Variants in PDE10A observed in about 807,000 individuals in gnomAD.
The protein encoded by PDE10A is phosphodiesterase 10A.
Under a neutral mutation model 97.7 loss-of-function variants are expected in PDE10A, and 39 were observed. The observed-to-expected ratio is 0.40, with a 90% CI of 0.31 to 0.52. The LOEUF (loss-of-function observed/expected upper bound fraction) is 0.52. Ranked by LOEUF, PDE10A falls within the 20% of genes least tolerant of loss-of-function variation. The pLI, the probability that PDE10A is intolerant of heterozygous loss-of-function variation, is 0.56. For missense variants in PDE10A, 731 were observed against 1,047.8 expected (o/e 0.70, Z 4.17); for synonymous variants, 371 against 376.8 (o/e 0.98, Z 0.18).
intron 1 of PDE10A, among the ~76,000 whole-genome samples, chr6:165,621,778 A>G (rs1473375918): frequency 4.2e-5 from 6 of 144,422 alleles, no homozygotes; most frequent in Non-Finnish European, 9.3e-5. Flanking sequence ...AAAAAAGAAG[A>G]AGAAGAAGAA....
intron 11 of PDE10A, 67 bp from the exon 12 acceptor site, chr6:165,416,348 T>C (rs1788312041): frequency 1.0e-6 from 1 of 1,001,996 alleles, no homozygotes; most frequent in African/African-American, 1.6e-5. Context: ...TCAAAAATAT[T>C]CCATTGTTAA....
chr6:165,883,713 C>G (rs1845532), intron 1 of PDE10A, among the ~76,000 whole-genome samples: 83,940 of 151,702 alleles, frequency 0.55, 23,836 homozygotes, highest in East Asian at 0.89. Context: ...CTCGCACACC[C>G]CACTGAGGTG....
intron 1 of PDE10A, among the ~76,000 whole-genome samples, chr6:165,565,197 A>T (rs940770429): frequency 2.6e-5 from 4 of 152,182 alleles, no homozygotes; most frequent in Non-Finnish European, 5.9e-5. Context: ...TATATAGAAA[A>T]ATTTTTTTAA....
At chr6:165,898,099 C>T (rs1376748423) in intron 1 of PDE10A, among the ~76,000 whole-genome samples, 1 of 150,930 alleles carries the variant, frequency 6.6e-6, no homozygotes, top group Non-Finnish European at 1.5e-5. Flanking sequence ...AGGCTCTAGT[C>T]CCCCTCCACC....
intron 1 of PDE10A, among the ~76,000 whole-genome samples, chr6:165,731,831 G>T (rs1792444332): frequency 6.6e-6 from 1 of 152,164 alleles, no homozygotes; most frequent in African/African-American, 2.4e-5. Context: ...ATTTTCAATT[G>T]CCAACAAGAA....
chr6:165,925,559 C>A (rs985931262), intron 1 of PDE10A, among the ~76,000 whole-genome samples: 8 of 152,236 alleles, frequency 5.3e-5, no homozygotes, highest in African/African-American at 1.9e-4. Context: ...TACTCAGTGA[C>A]AAACACACAA....
intron 1 of PDE10A, among the ~76,000 whole-genome samples, chr6:165,962,977 C>A (rs6899687): frequency 0.16 from 24,688 of 152,186 alleles, 2,188 homozygotes; most frequent in Non-Finnish European, 0.2. Context: ...AGTGCACACA[C>A]CCACACGCGT....
intron 1 of PDE10A, among the ~76,000 whole-genome samples, chr6:165,967,381 C>G (rs1036295043): frequency 6.6e-6 from 1 of 152,168 alleles, no homozygotes; most frequent in South Asian, 2.1e-4. Flanking sequence ...CCTGTAATCC[C>G]AGCTCCTTGG....
At chr6:165,702,766 G>A (rs9356383) in intron 1 of PDE10A, among the ~76,000 whole-genome samples, 95,073 of 152,008 alleles carry the variant, frequency 0.63, 30,271 homozygotes, top group African/African-American at 0.73. Context: ...CACCTCTTCC[G>A]AAGAAGGGAT....
At chr6:165,396,538 G>C (rs1042639370) in intron 13 of PDE10A, 79 bp from the exon 14 acceptor site, 1 of 1,397,738 alleles carries the variant, frequency 7.2e-7, no homozygotes, top group Non-Finnish European at 9.8e-7. Flanking sequence ...TTCAGAATTT[G>C]GTATTAAAGA....
intron 1 of PDE10A, among the ~76,000 whole-genome samples, chr6:165,897,682 C>A (rs1296869025): frequency 6.6e-6 from 1 of 151,120 alleles, no homozygotes; most frequent in East Asian, 2.0e-4. Context: ...CTGGAGTGAC[C>A]TGTTCATCTT....
At position 165,617,408 on chromosome 6, in the gene PDE10A, G is replaced by T. The variant is rs1211355529; in HGVS notation, c.865+44539C>A. 3.9e-5 allele frequency among the ~76,000 whole-genome samples: 6 copies of T among 152,288 alleles called. No individual in the cohort carries two copies. The East Asian group carries it at 1.2e-3, about 29-fold the overall frequency. On this transcript the variant is annotated intron_variant, in intron 1 of 21. Coordinates refer to ENST00000539869, the MANE Select transcript of PDE10A (RefSeq NM_001385079.1). Reference sequence around the variant, plus strand: ...CACCCAGGCTGGAGTGCAGTGGCGGGATCTCGGCTCAAGGCAACCTCACCT... The same window carrying T: ...CACCCAGGCTGGAGTGCAGTGGCGGTATCTCGGCTCAAGGCAACCTCACCT...
intron 1 of PDE10A, among the ~76,000 whole-genome samples, chr6:165,570,998 T>G (rs917946971): frequency 2.0e-5 from 3 of 152,180 alleles, no homozygotes; most frequent in African/African-American, 7.2e-5. Flanking sequence ...TTTTAGTGAG[T>G]AAGCAAATGA....
chr6:165,705,396 G>A (rs577538708), intron 1 of PDE10A, among the ~76,000 whole-genome samples: 22 of 152,328 alleles, frequency 1.4e-4, no homozygotes, highest in African/African-American at 4.3e-4. Context: ...CCCAAAGGAC[G>A]TGGGGCTCAG....
At chr6:165,854,575 G>C (rs1780665588) in intron 1 of PDE10A, among the ~76,000 whole-genome samples, 1 of 152,172 alleles carries the variant, frequency 6.6e-6, no homozygotes, top group African/African-American at 2.4e-5. Flanking sequence ...GGCACAGAGG[G>C]AGCCCGGGGG....
intron 2 of PDE10A, among the ~76,000 whole-genome samples, chr6:165,521,911 T>C (rs939372943): frequency 1.3e-5 from 2 of 152,190 alleles, no homozygotes; most frequent in Admixed American, 6.5e-5. Flanking sequence ...CTCATATAAG[T>C]GGGATCATAT....
intron 1 of PDE10A, among the ~76,000 whole-genome samples, chr6:165,765,301 G>C (rs1777804647): frequency 6.6e-6 from 1 of 152,390 alleles, no homozygotes; most frequent in Non-Finnish European, 1.5e-5. Flanking sequence ...CTCAGCCCTT[G>C]GGTGATCGAT....
chr6:165,869,363 A>G (rs1330604271), intron 1 of PDE10A, among the ~76,000 whole-genome samples: 3 of 146,764 alleles, frequency 2.0e-5, no homozygotes, highest in Non-Finnish European at 4.5e-5. Context: ...GAAAAAAAAA[A>G]CTCTTCCTAG....
At chr6:165,900,556 CTCTG>C (rs1162986854) in intron 1 of PDE10A, among the ~76,000 whole-genome samples, 1 of 152,132 alleles carries the variant, frequency 6.6e-6, no homozygotes, top group East Asian at 1.9e-4. Context: ...TTTTGTCCCT[CTCTG>C]TCTCTCTCTT....
Sources: allele counts gnomAD v4.1 joint callset (sites outside exome capture counted in the v4.1 genomes callset), GRCh38; gene constraint gnomAD v4.1.1; transcripts MANE v1.5; gene names NCBI Gene and HGNC (gene_info 2026-07-23, HGNC 2026-07-21).